Variants in SCFD2 observed in about 807,000 individuals in gnomAD.
SCFD2 encodes the protein sec1 family domain-containing protein 2.
A neutral mutation model predicts 58.9 loss-of-function variants in SCFD2; 54 were observed. The observed-to-expected ratio is 0.92, with a 90% CI of 0.74 to 1.15. The LOEUF is 1.15. Ranked by LOEUF, SCFD2 falls within the 50% of genes most tolerant of loss-of-function variation. The pLI is 0.00. For missense variants in SCFD2, 805 were observed against 836.6 expected (o/e 0.96, Z 0.47); for synonymous variants, 321 against 335.9 (o/e 0.96, Z 0.49).
intron 4 of SCFD2, among the ~76,000 whole-genome samples, chr4:53,242,139 A>C (rs1250004559): frequency 6.6e-6 from 1 of 152,266 alleles, no homozygotes; most frequent in Admixed American, 6.5e-5. Flanking sequence ...AGCCTGCTGC[A>C]CTGCTGCAGC....
intron 3 of SCFD2, among the ~76,000 whole-genome samples, chr4:53,278,061 A>G (rs1325539436): frequency 2.8e-5 from 4 of 145,334 alleles, no homozygotes; most frequent in Non-Finnish European, 6.0e-5. Flanking sequence ...CAAAACAAAA[A>G]ACAAAAAAAA....
At chr4:52,911,446 C>T (rs145866445) in intron 6 of SCFD2, among the ~76,000 whole-genome samples, 40 of 152,326 alleles carry the variant, frequency 2.6e-4, no homozygotes, top group African/African-American at 9.1e-4. Context: ...TTTTCTCAAC[C>T]TCTTCATTCT....
At chr4:53,358,426 G>A (rs1363262673) in intron 1 of SCFD2, among the ~76,000 whole-genome samples, 10 of 151,896 alleles carry the variant, frequency 6.6e-5, no homozygotes, top group Admixed American at 6.6e-5. Context: ...TGGCTTTCCT[G>A]CCTGTAATTC....
intron 5 of SCFD2, among the ~76,000 whole-genome samples, chr4:53,049,968 A>C (rs115971180): frequency 6.5e-4 from 99 of 152,318 alleles, no homozygotes; most frequent in Admixed American, 1.4e-3. Context: ...GCATTCAGCA[A>C]ATGTTTATTT....
intron 8 of SCFD2, among the ~76,000 whole-genome samples, chr4:52,877,570 T>C (rs1389496366): frequency 6.6e-6 from 1 of 152,176 alleles, no homozygotes; most frequent in Non-Finnish European, 1.5e-5. Context: ...CCCCACATGA[T>C]TATGTGAGGA....
At chr4:53,329,248 T>A (rs2149129017) in intron 2 of SCFD2, among the ~76,000 whole-genome samples, 1 of 152,120 alleles carries the variant, frequency 6.6e-6, no homozygotes, top group South Asian at 2.1e-4. Context: ...CCACCACAGC[T>A]CAAGGAGGCC....
At chr4:52,971,495 T>C (rs551969180) in intron 5 of SCFD2, among the ~76,000 whole-genome samples, 20 of 152,254 alleles carry the variant, frequency 1.3e-4, no homozygotes, top group African/African-American at 4.6e-4. Context: ...GAACAAAGCC[T>C]CCAAGAAATA....
chr4:53,147,894 G>A (rs1726382218), intron 4 of SCFD2, among the ~76,000 whole-genome samples: 1 of 152,172 alleles, frequency 6.6e-6, no homozygotes, highest in Non-Finnish European at 1.5e-5. Flanking sequence ...ATCATGGGTT[G>A]GGCAAACTTG....
chr4:53,260,558 C>T (rs1730800248), intron 4 of SCFD2, among the ~76,000 whole-genome samples: 1 of 152,074 alleles, frequency 6.6e-6, no homozygotes, highest in Non-Finnish European at 1.5e-5. Flanking sequence ...TAAACCATCC[C>T]TCCATCCCTG....
chr4:53,029,239 CGA>C (rs61154086), intron 5 of SCFD2, among the ~76,000 whole-genome samples: 5 of 151,034 alleles, frequency 3.3e-5, no homozygotes, highest in Admixed American at 6.6e-5. Flanking sequence ...AAAAATCTTA[CGA>C]AAAAAAAAAT....
chr4:52,940,802 G>C (rs1320221910), intron 5 of SCFD2, among the ~76,000 whole-genome samples: 1 of 152,174 alleles, frequency 6.6e-6, no homozygotes, highest in Non-Finnish European at 1.5e-5. Context: ...GTGCGGAAGG[G>C]ACGAGCATTT....
intron 4 of SCFD2, among the ~76,000 whole-genome samples, chr4:53,263,192 C>T (rs1256962562): frequency 6.6e-6 from 1 of 152,068 alleles, no homozygotes; most frequent in Non-Finnish European, 1.5e-5. Context: ...AGTTGGACTT[C>T]ACCTTTCTCT....
At chr4:53,071,602 C>T (rs1266898884) in intron 5 of SCFD2, among the ~76,000 whole-genome samples, 1 of 151,950 alleles carries the variant, frequency 6.6e-6, no homozygotes, top group Non-Finnish European at 1.5e-5. Flanking sequence ...AATCCTGAGG[C>T]TCAAGGCATG....
At chr4:53,338,085 G>A (rs1240652309) in intron 2 of SCFD2, among the ~76,000 whole-genome samples, 1 of 152,156 alleles carries the variant, frequency 6.6e-6, no homozygotes, top group African/African-American at 2.4e-5. Context: ...GCAAATAATA[G>A]ATTCTGGAGT....
chr4:53,296,054 G>T lies in SCFD2; in HGVS notation c.1135+17582C>A, dbSNP rs530590959. Reference sequence around the variant, plus strand: ...TTCGGTTTCCCAGTATTTTATTGACGATTTTCACATCAATGTTCATCAGGT... The same window carrying T: ...TTCGGTTTCCCAGTATTTTATTGACTATTTTCACATCAATGTTCATCAGGT... On this transcript the variant is annotated intron_variant, in intron 3 of 8. Transcript: ENST00000401642. Among the ~76,000 whole-genome samples the T allele has an allele frequency of 1.4e-3, 213 of 152,176 alleles. 2 individuals are homozygous for T. Among genetic ancestry groups the T allele is most frequent in the African/African-American group, 4.8e-3 (201 of 41,508 alleles).
intron 3 of SCFD2, among the ~76,000 whole-genome samples, chr4:53,304,201 T>A (rs1394027692): frequency 3.9e-5 from 6 of 152,132 alleles, no homozygotes; most frequent in Admixed American, 1.3e-4. Flanking sequence ...GATCCACTGT[T>A]AGTCTGATGG....
At chr4:52,956,599 T>C (rs553540002) in intron 5 of SCFD2, 108 of 206,338 alleles carry the variant, frequency 5.2e-4, no homozygotes, top group African/African-American at 2.4e-3. Flanking sequence ...GCTGCTCTCA[T>C]GAGCACCTCT....
intron 4 of SCFD2, among the ~76,000 whole-genome samples, chr4:53,164,957 A>G (rs1271929729): frequency 6.6e-6 from 1 of 152,214 alleles, no homozygotes. Flanking sequence ...CAACAATGCT[A>G]TAACAAGTCT....
chr4:53,256,021 A>C (rs540505056), intron 4 of SCFD2, among the ~76,000 whole-genome samples: 84 of 118,890 alleles, frequency 7.1e-4, no homozygotes, highest in South Asian at 9.1e-4. Context: ...CGGGGGTCTG[A>C]CCCCCCACCT....
Sources: allele counts gnomAD v4.1 joint callset (sites outside exome capture counted in the v4.1 genomes callset), GRCh38; gene constraint gnomAD v4.1.1; transcripts MANE v1.5; gene names NCBI Gene and HGNC (gene_info 2026-07-23, HGNC 2026-07-21).